The following KLHL9 variants were observed in gnomAD, a reference collection of about 807,000 sequenced individuals.
KLHL9 encodes the protein kelch-like protein 9.
Under a neutral mutation model 42.3 loss-of-function variants are expected in KLHL9, and 27 were observed. The observed-to-expected ratio is 0.64, with a 90% CI of 0.47 to 0.88. The LOEUF (loss-of-function observed/expected upper bound fraction) is 0.88, where lower values mean the gene tolerates loss of function less well. Ranked by LOEUF, KLHL9 falls within the 40% of genes least tolerant of loss-of-function variation. The probability of loss-of-function intolerance (pLI) is 0.00; values close to 1 mark genes in which losing one functional copy is unlikely to be tolerated. For missense variants in KLHL9, 629 were observed against 750.3 expected, an observed-to-expected ratio of 0.84 and a Z score of 1.89; for synonymous variants, 274 against 254.4, an observed-to-expected ratio of 1.08 and a Z score of -0.73.
rs1820212657 is a variant in KLHL9, at chr9:21,333,640, C to T, written c.1220G>A (p.Arg407His). 1.2e-6 allele frequency: 2 copies of T among 1,614,202 alleles called. No individual in the cohort carries two copies. The highest frequency in any genetic ancestry group is 1.7e-6 in the Non-Finnish European group (2 of 1,180,036). The change falls in exon 1 of 1, where the codon CGC becomes CAC. Residue 407 changes from arginine (R) to histidine (H), a missense_variant. Transcript: ENST00000359039. This position sits in a 1 kb window ranked among gnomAD's most constrained non-coding sequence, Gnocchi z 7.5. ...TGTGGCCAGTTCACCAGCTGCACTG[C>T]GCCCACCAACTGCATACAAATGTCC... ...LKGHLYAVGG[R>H]SAAGELATVE...
In KLHL9 at chr9:21,332,894, A is replaced by T; in HGVS notation, c.*112T>A. ...ATACTAAAAGCCATACAAGACGAAT[A>T]ACATCAGTTACCTTTATATCTAATA... On this transcript the variant is annotated 3_prime_UTR_variant, in exon 1 of 1. Transcript: ENST00000359039. 6.7e-7 allele frequency: 1 copy of T among 1,490,966 alleles called. No individual in the cohort carries two copies. The highest frequency in any genetic ancestry group is 9.0e-7 in the Non-Finnish European group (1 of 1,105,448). The allele number at this position is 1,490,966 out of a possible 1,614,324, so 92.4% of individuals were successfully genotyped here.
rs1820175350 is a variant in KLHL9, at chr9:21,331,761, T to A, written c.*1245A>T. 6.6e-6 allele frequency: 1 copy of A among 152,586 alleles called. No individual in the cohort carries two copies. Among genetic ancestry groups the A allele is most frequent in the Non-Finnish European group, 1.5e-5 (1 of 68,040 alleles). The allele number at this position is 152,586 out of a possible 1,614,324, so 9.5% of individuals were successfully genotyped here. ...GCTCTGTAGCTGGCTTCTTTGGGAATCTGAAGTTGGTCCTGTCTTTGAGAC... is the reference window on the plus strand; with the variant it reads ...GCTCTGTAGCTGGCTTCTTTGGGAAACTGAAGTTGGTCCTGTCTTTGAGAC... On this transcript the variant is annotated 3_prime_UTR_variant, in exon 1 of 1. Coordinates refer to ENST00000359039, the MANE Select transcript of KLHL9 (RefSeq NM_018847.4).
Position 21,334,433 on chromosome 9 carries a change from C to T in KLHL9, c.427G>A (p.Val143Ile). ...QILPVLDFCK[V>I]FLISGVSLDN... ...AAAGAGACTCCTGATATAAGAAATA[C>T]TTTACAGAAATCCAAAACGGGTAAT... is the stretch of plus-strand genomic sequence containing the variant. The change falls in exon 1 of 1, where the codon GTA becomes ATA. Residue 143 changes from valine to isoleucine, a missense_variant. Physicochemically the swap from Val to Ile is conservative, Grantham distance 29. Around this residue, in one of 4 missense-constraint regions of KLHL9, gnomAD observed 351 missense variants for 363.1 expected, o/e 0.97. Coordinates refer to ENST00000359039, the MANE Select transcript of KLHL9 (RefSeq NM_018847.4). This position sits in a 1 kb window ranked among gnomAD's most constrained non-coding sequence, Gnocchi z 5.1. 2 of 1,614,044 alleles carry T rather than the reference C, an allele frequency of 1.2e-6. No homozygotes were observed. The highest frequency in any genetic ancestry group is 1.7e-6 in the Non-Finnish European group (2 of 1,179,990).
Position 21,334,209 on chromosome 9 carries a change from C to A in KLHL9, c.651G>T (p.Lys217Asn). ...CCAACCTTAGCCAGCGACAGGCTGC[C>A]TTAAAGAGTTCAAGTTCGGTACAGT... is the stretch of plus-strand genomic sequence containing the variant. ...LKHCTELELF[K>N]AACRWLRLED... The change falls in exon 1 of 1, where the codon AAG becomes AAT. Residue 217 changes from lysine to asparagine, a missense_variant. By Grantham distance (94) the Lys-to-Asn change is moderately conservative. Around this residue, in one of 4 missense-constraint regions of KLHL9, gnomAD observed 351 missense variants for 363.1 expected, o/e 0.97. Coordinates refer to ENST00000359039, the MANE Select transcript of KLHL9 (RefSeq NM_018847.4). This position sits in a 1 kb window ranked among gnomAD's most constrained non-coding sequence, Gnocchi z 5.1. 1.9e-6 allele frequency: 3 copies of A among 1,614,164 alleles called. No homozygotes were observed. The highest frequency in any genetic ancestry group is 2.5e-6 in the Non-Finnish European group (3 of 1,180,036).
chr9:21,334,850 A>G lies in KLHL9; in HGVS notation c.10T>C (p.Ser4Pro), dbSNP rs1279735437. ...ACGCCCATTTCGCCGTTACCAAGGG[A>G]CACTTTCATGTGAAAGCTTTCCTCT... Reference protein sequence around the residue: MKVSLGNGEMGVSA... With the variant: MKVPLGNGEMGVSA... The change falls in exon 1 of 1, where the codon TCC becomes CCC. Residue 4 changes from serine (S) to proline (P), a missense_variant. Coordinates refer to ENST00000359039, the MANE Select transcript of KLHL9 (RefSeq NM_018847.4). The surrounding 1 kb of genome is among the most constrained non-coding windows in gnomAD (Gnocchi z 5.1). 8.1e-6 allele frequency: 13 copies of G among 1,614,068 alleles called. No individual in the cohort carries two copies. The highest frequency in any genetic ancestry group is 1.1e-5 in the Non-Finnish European group (13 of 1,180,032).
chr9:21,330,501 TA>T lies in KLHL9; in HGVS notation c.*2504del, dbSNP rs1249690346. 1.3e-5 allele frequency: 2 copies of T among 151,950 alleles called. No homozygotes were observed. The highest frequency in any genetic ancestry group is 2.4e-5 in the African/African-American group (1 of 41,366). 9.4% of individuals were successfully genotyped at this position (151,950 alleles called of 1,614,324 possible). ...CTGTCAACTGCAGAATACGGGAAAG[TA>T]AAAAAATGAGAGGCAGGGTGGGTGA... On this transcript the variant is annotated 3_prime_UTR_variant, in exon 1 of 1. Transcript: ENST00000359039.
chr9:21,331,443 G>A lies in KLHL9; in HGVS notation c.*1563C>T, dbSNP rs1403030115. Reference sequence around the variant, plus strand: ...AGTTTTATTATGGGATTGTCAATAAGGAGAAAGTTGTTCCTGATTTACATG... The same window carrying A: ...AGTTTTATTATGGGATTGTCAATAAAGAGAAAGTTGTTCCTGATTTACATG... On this transcript the variant is annotated 3_prime_UTR_variant, in exon 1 of 1. Transcript: ENST00000359039. 4 of 152,398 alleles carry A rather than the reference G, an allele frequency of 2.6e-5. No homozygotes were observed. The highest frequency in any genetic ancestry group is 3.9e-4 in the East Asian group (2 of 5,172). The allele number at this position is 152,398 out of a possible 1,614,324, so 9.4% of individuals were successfully genotyped here.
chr9:21,335,224 C>A lies in KLHL9; in HGVS notation c.-365G>T. ...CTCCACGGCCCGCTCGGCGGCGGGT[C>A]CGGACACCTCAGCGAACGGCCCGCT... On this transcript the variant is annotated 5_prime_UTR_variant, in exon 1 of 1. Coordinates refer to ENST00000359039, the MANE Select transcript of KLHL9 (RefSeq NM_018847.4). The A allele has an allele frequency of 2.0e-6, 1 of 501,698 alleles. No homozygotes were observed. The highest frequency in any genetic ancestry group is 4.0e-5 in the South Asian group (1 of 25,052). 31.1% of individuals were successfully genotyped at this position (501,698 alleles called of 1,614,324 possible).
chr9:21,332,906 C>T lies in KLHL9; in HGVS notation c.*100G>A. The T allele has an allele frequency of 6.5e-7, 1 of 1,544,662 alleles. No homozygotes were observed. Among genetic ancestry groups the T allele is most frequent in the East Asian group, 2.3e-5 (1 of 43,452 alleles). On this transcript the variant is annotated 3_prime_UTR_variant, in exon 1 of 1. Coordinates refer to ENST00000359039, the MANE Select transcript of KLHL9 (RefSeq NM_018847.4). ...ATACAAGACGAATAACATCAGTTAC[C>T]TTTATATCTAATAACTGTACCAATC...
Position 21,334,918 on chromosome 9 carries a change from G to A in KLHL9, c.-59C>T. 1 of 1,606,446 alleles carries A rather than the reference G, an allele frequency of 6.2e-7. No individual in the cohort carries two copies. The highest frequency in any genetic ancestry group is 1.1e-5 in the South Asian group (1 of 90,272). ...CGGATAAAGAAGTTATAACCGGAATGTTTTACAGGTAACGAGGTGTCCAGA... is the reference window on the plus strand; with the variant it reads ...CGGATAAAGAAGTTATAACCGGAATATTTTACAGGTAACGAGGTGTCCAGA... On this transcript the variant is annotated 5_prime_UTR_variant, in exon 1 of 1. Coordinates refer to ENST00000359039, the MANE Select transcript of KLHL9 (RefSeq NM_018847.4). This position sits in a 1 kb window ranked among gnomAD's most constrained non-coding sequence, Gnocchi z 5.1.
chr9:21,333,601 T>C lies in KLHL9; in HGVS notation c.1259A>G (p.Asn420Ser), dbSNP rs183913881. Reference sequence around the variant, plus strand: ...ATAGCTCCACTCATTCATTCTTGGGTTGTAACATTCTACTGTGGCCAGTTC... The same window carrying C: ...ATAGCTCCACTCATTCATTCTTGGGCTGTAACATTCTACTGTGGCCAGTTC... ...AGELATVECY[N>S]PRMNEWSYVA... The change falls in exon 1 of 1, where the codon AAC (asparagine) becomes AGC (serine). Residue 420 changes from asparagine (N) to serine (S), a missense_variant. By Grantham distance (46) the Asn-to-Ser change is conservative (BLOSUM62 1). This residue lies in a region of KLHL9 where 214 missense variants were observed against 305.8 expected (regional missense o/e 0.70). Coordinates refer to ENST00000359039, the MANE Select transcript of KLHL9 (RefSeq NM_018847.4). This position sits in a 1 kb window ranked among gnomAD's most constrained non-coding sequence, Gnocchi z 7.5. 58 of 1,614,230 alleles carry C rather than the reference T, an allele frequency of 3.6e-5. 2 individuals carry two copies. The highest frequency in any genetic ancestry group is 3.3e-4 in the Middle Eastern group (2 of 6,062).
Position 21,333,887 on chromosome 9 carries a change from G to C in KLHL9, c.973C>G (p.Gln325Glu), listed in dbSNP as rs746062333. The C allele has an allele frequency of 6.2e-7, 1 of 1,613,932 alleles. No homozygotes were observed. The highest frequency in any genetic ancestry group is 8.5e-7 in the Non-Finnish European group (1 of 1,179,996). ...ATTGGGGCTAAAGATCTCCATTCTT[G>C]TGCCCTTTCATCATACATCCGTAAT... ...KELRMYDERA[Q>E]EWRSLAPMDA... The change falls in exon 1 of 1, where the codon CAA (glutamine) becomes GAA (glutamate). Residue 325 changes from glutamine (Q) to glutamate (E), a missense_variant. This residue lies in a region of KLHL9 where 214 missense variants were observed against 305.8 expected (regional missense o/e 0.70). Coordinates refer to ENST00000359039, the MANE Select transcript of KLHL9 (RefSeq NM_018847.4). The surrounding 1 kb of genome is among the most constrained non-coding windows in gnomAD (Gnocchi z 7.5).
chr9:21,330,392 G>A lies in KLHL9; in HGVS notation c.*2614C>T, dbSNP rs1388843141. On this transcript the variant is annotated 3_prime_UTR_variant, in exon 1 of 1. Transcript: ENST00000359039. ...TGGCCCTCAAAAAGTTTTAAATTTT[G>A]GAGCAATTTGGATTTTTGGATTAGG... 6 of 152,178 alleles carry A rather than the reference G, an allele frequency of 3.9e-5. No individual in the cohort carries two copies. The highest frequency in any genetic ancestry group is 2.1e-4 in the South Asian group (1 of 4,820). The allele number at this position is 152,178 out of a possible 1,614,324, so 9.4% of individuals were successfully genotyped here.
At position 21,335,014 on chromosome 9, in the gene KLHL9, GTCATCCACTGAAAA is replaced by G; in HGVS notation, c.-169_-156del. On this transcript the variant is annotated 5_prime_UTR_variant, in exon 1 of 1. It removes an upstream start codon present in the reference 5' UTR. Coordinates refer to ENST00000359039, the MANE Select transcript of KLHL9 (RefSeq NM_018847.4). ...GGCACCCCTCGGGCCACGCCAGTCA[GTCATCCACTGAAAA>G]TCACCCTGTAGCAGGACCACAAAGG... 2.0e-6 allele frequency: 2 copies of G among 1,006,076 alleles called. No homozygotes were observed. The allele number at this position is 1,006,076 out of a possible 1,614,324, so 62.3% of individuals were successfully genotyped here. A position where few individuals can be genotyped will look rare whatever the true frequency, so the allele number is the denominator to read the frequency against.
In KLHL9 at chr9:21,332,732, C is replaced by G. The variant is rs1394305881; in HGVS notation, c.*274G>C. ...TTGAAGCATAATGGACATAATTACA[C>G]ATTTACCACAGTCATCTACAATTTT... On this transcript the variant is annotated 3_prime_UTR_variant, in exon 1 of 1. Transcript: ENST00000359039. The G allele has an allele frequency of 2.4e-6, 1 of 412,406 alleles. No homozygotes were observed. Among genetic ancestry groups the G allele is most frequent in the Non-Finnish European group, 4.3e-6 (1 of 233,808 alleles). 25.5% of individuals were successfully genotyped at this position (412,406 alleles called of 1,614,324 possible). A position where few individuals can be genotyped will look rare whatever the true frequency, so the allele number is the denominator to read the frequency against.
Position 21,334,167 on chromosome 9 carries a change from A to C in KLHL9, c.693T>G (p.Asp231Glu). The change falls in exon 1 of 1, where the codon GAT becomes GAG. Residue 231 changes from aspartate (D) to glutamate (E), a missense_variant. Physicochemically the swap from Asp to Glu is conservative, Grantham distance 45. Transcript: ENST00000359039. The surrounding 1 kb of genome is among the most constrained non-coding windows in gnomAD (Gnocchi z 5.1). ...RWLRLEDPRM[D>E]YAAKLMKNIR... ...TATTCTTCATTAACTTTGCAGCATAATCCATCCGAGGGTCTTCCAACCTTA... is the reference window on the plus strand; with the variant it reads ...TATTCTTCATTAACTTTGCAGCATACTCCATCCGAGGGTCTTCCAACCTTA... The C allele has an allele frequency of 6.2e-7, 1 of 1,614,212 alleles. No homozygotes were observed. Among genetic ancestry groups the C allele is most frequent in the South Asian group, 1.1e-5 (1 of 91,082 alleles).
Position 21,331,204 on chromosome 9 carries a change from T to C in KLHL9, c.*1802A>G, listed in dbSNP as rs1820164574. The C allele has an allele frequency of 6.6e-6, 1 of 152,560 alleles. No individual in the cohort carries two copies. The highest frequency in any genetic ancestry group is 6.5e-5 in the Admixed American group (1 of 15,282). 9.5% of individuals were successfully genotyped at this position (152,560 alleles called of 1,614,324 possible). On this transcript the variant is annotated 3_prime_UTR_variant, in exon 1 of 1. Coordinates refer to ENST00000359039, the MANE Select transcript of KLHL9 (RefSeq NM_018847.4). ...AGGATTAGGATGCACTTCTTGCTTATTCAATAAAGTTAATAATTTCTAATT... is the reference window on the plus strand; with the variant it reads ...AGGATTAGGATGCACTTCTTGCTTACTCAATAAAGTTAATAATTTCTAATT...
rs762476231 is a variant in KLHL9 at position 21,334,157 on chromosome 9, T to C, written c.703A>G (p.Lys235Glu). 57 of 1,614,124 alleles carry C rather than the reference T, an allele frequency of 3.5e-5. No individual in the cohort carries two copies. The highest frequency in any genetic ancestry group is 4.4e-5 in the South Asian group (4 of 91,090). Residue 235 changes from lysine (K) to glutamate (E), a missense_variant, in exon 1 of 1, where the codon AAG becomes GAG. By Grantham distance (56) the Lys-to-Glu change is moderately conservative. Transcript: ENST00000359039. The surrounding 1 kb of genome is among the most constrained non-coding windows in gnomAD (Gnocchi z 5.1). ...LEDPRMDYAAKLMKNIRFPLM... is the reference protein window; with the variant it reads ...LEDPRMDYAAELMKNIRFPLM... ...GGAAATCGAATATTCTTCATTAACT[T>C]TGCAGCATAATCCATCCGAGGGTCT... is the stretch of plus-strand genomic sequence containing the variant.
chr9:21,333,020 A>T lies in KLHL9; in HGVS notation c.1840T>A (p.Ser614Thr). ...PSRESPLSAP[S>T]DHS is the part of the protein sequence containing the mutation. ...ACACCTTAGACCTAAGAATGATCTG[A>T]AGGTGCTGAAAGAGGTGATTCTCTA... is the stretch of plus-strand genomic sequence containing the variant. The change falls in exon 1 of 1, where the codon TCA becomes ACA. Residue 614 changes from serine to threonine, a missense_variant. Ser to Thr is a moderately conservative substitution (Grantham distance 58). Coordinates refer to ENST00000359039, the MANE Select transcript of KLHL9 (RefSeq NM_018847.4). The surrounding 1 kb of genome is among the most constrained non-coding windows in gnomAD (Gnocchi z 7.5). 2 of 1,614,154 alleles carry T rather than the reference A, an allele frequency of 1.2e-6. No individual in the cohort carries two copies. Among genetic ancestry groups the T allele is most frequent in the African/African-American group, 2.7e-5 (2 of 75,042 alleles).
Sources: gnomAD v4.1 joint callset for allele counts on GRCh38, gnomAD v4.1.1 for gene constraint, gnomAD v4.1.1 regional missense constraint, Gnocchi (gnomAD v3.1) non-coding constraint, MANE v1.5 for transcripts, NCBI Gene and HGNC (gene_info 2026-07-23, HGNC 2026-07-21) for gene names.